The following MACROD2 variants were observed in gnomAD, a reference collection of about 807,000 sequenced individuals.
MACROD2 encodes mono-ADP ribosylhydrolase 2.
In MACROD2, 36 loss-of-function variants were observed where a neutral mutation model predicts 70.4. The observed-to-expected ratio is 0.51, with a 90% CI of 0.39 to 0.68. MACROD2 has a LOEUF of 0.68. Among genes scored for constraint, MACROD2 ranks in the 30% least tolerant of loss-of-function variants. MACROD2 has a pLI of 0.00. For synonymous variants in MACROD2, 172 were observed against 178.8 expected, an observed-to-expected ratio of 0.96 and a Z score of 0.30; for missense variants, 496 against 538.4, an observed-to-expected ratio of 0.92 and a Z score of 0.78.
chr20:14,159,120 C>T (rs1312813225), intron 3 of MACROD2, among the ~76,000 whole-genome samples: 1 of 152,078 alleles, frequency 6.6e-6, no homozygotes, highest in East Asian at 1.9e-4. Flanking sequence ...TGCCTGTAAT[C>T]CCAGCTACTT....
At chr20:14,186,152 C>T (rs1416269004) in intron 3 of MACROD2, among the ~76,000 whole-genome samples, 1 of 152,114 alleles carries the variant, frequency 6.6e-6, no homozygotes, top group Non-Finnish European at 1.5e-5. Context: ...ATTTATAATA[C>T]ACATATACCT....
intron 5 of MACROD2, among the ~76,000 whole-genome samples, chr20:14,771,470 C>T (rs60015935): frequency 0.056 from 8,523 of 151,852 alleles, 313 homozygotes; most frequent in African/African-American, 0.086. Context: ...ATTTTATTTT[C>T]ACAAATAGCT....
intron 10 of MACROD2, among the ~76,000 whole-genome samples, chr20:15,912,417 G>C (rs2065250591): frequency 6.6e-6 from 1 of 152,154 alleles, no homozygotes; most frequent in African/African-American, 2.4e-5. Flanking sequence ...TGTAAGCCAT[G>C]GTGTCCTCAG....
At chr20:15,714,510 T>C (rs184453799) in intron 8 of MACROD2, among the ~76,000 whole-genome samples, 24 of 152,182 alleles carry the variant, frequency 1.6e-4, no homozygotes, top group Admixed American at 9.8e-4. Context: ...AGAAGAAAAG[T>C]TGGGGGATGG....
intron 3 of MACROD2, among the ~76,000 whole-genome samples, chr20:14,485,426 G>T (rs970708110): frequency 2.0e-5 from 3 of 152,298 alleles, no homozygotes; most frequent in Middle Eastern, 3.4e-3. Context: ...TGGAGGCCAG[G>T]CGTGGTGGCT....
At chr20:14,269,800 G>T (rs963317715) in intron 3 of MACROD2, among the ~76,000 whole-genome samples, 18 of 126,406 alleles carry the variant, frequency 1.4e-4, no homozygotes, top group African/African-American at 4.0e-4. Context: ...TGATAAACTT[G>T]TGGGTTTTTT....
At chr20:15,302,027 T>C (rs2077649276) in intron 6 of MACROD2, among the ~76,000 whole-genome samples, 1 of 152,122 alleles carries the variant, frequency 6.6e-6, no homozygotes, top group South Asian at 2.1e-4. Flanking sequence ...ACTGACAATC[T>C]GCTTGTTGGC....
At chr20:14,468,726 G>A (rs1429309574) in intron 3 of MACROD2, among the ~76,000 whole-genome samples, 2 of 152,066 alleles carry the variant, frequency 1.3e-5, no homozygotes, top group South Asian at 2.1e-4. Context: ...TGACCAGGCT[G>A]GTCTTGAACT....
intron 5 of MACROD2, among the ~76,000 whole-genome samples, chr20:14,820,585 G>T (rs1414261704): frequency 2.0e-5 from 3 of 151,890 alleles, no homozygotes; most frequent in Non-Finnish European, 4.4e-5. Flanking sequence ...TCTTAACTTA[G>T]CTTCTCATCT....
chr20:14,252,414 T>C (rs2082020707), intron 3 of MACROD2, among the ~76,000 whole-genome samples: 1 of 152,056 alleles, frequency 6.6e-6, no homozygotes, highest in African/African-American at 2.4e-5. Context: ...TTTTATTCTT[T>C]CACTGTATAA....
At chr20:14,913,393 A>G (rs1184436211) in intron 5 of MACROD2, among the ~76,000 whole-genome samples, 2 of 152,038 alleles carry the variant, frequency 1.3e-5, no homozygotes, top group African/African-American at 4.8e-5. Flanking sequence ...TTTTTTCTTA[A>G]CCTATGAAAA....
At chr20:15,709,706 A>T (rs1392042645) in intron 8 of MACROD2, among the ~76,000 whole-genome samples, 1 of 152,190 alleles carries the variant, frequency 6.6e-6, no homozygotes, top group East Asian at 1.9e-4. Context: ...TTTATGAGGT[A>T]TGTACAGAGT....
intron 3 of MACROD2, among the ~76,000 whole-genome samples, chr20:14,123,528 C>T (rs139197895): frequency 3.3e-4 from 51 of 152,294 alleles, no homozygotes; most frequent in Admixed American, 1.4e-3. Context: ...TCTTGCAGTG[C>T]GGCATACCAT....
At chr20:15,854,296 C>T (rs756771293) in intron 8 of MACROD2, among the ~76,000 whole-genome samples, 2 of 152,054 alleles carry the variant, frequency 1.3e-5, no homozygotes, top group Admixed American at 6.6e-5. Flanking sequence ...AGAAAAAGAG[C>T]GCTCGTGTCC....
At chr20:16,006,388 A>C (rs1324606075) in intron 15 of MACROD2, among the ~76,000 whole-genome samples, 2 of 152,126 alleles carry the variant, frequency 1.3e-5, no homozygotes, top group African/African-American at 2.4e-5. Context: ...GGTTGTTGGA[A>C]ACTAGCTTTC....
At chr20:15,371,465 G>A (rs1275582876) in intron 6 of MACROD2, among the ~76,000 whole-genome samples, 2 of 152,132 alleles carry the variant, frequency 1.3e-5, no homozygotes, top group African/African-American at 4.8e-5. Flanking sequence ...AAGTTCTGCT[G>A]AAAGCAGTTT....
chr20:15,051,338 ATGTGTGTGTGTGTGTGTGTGTGTG>A (rs6147297), intron 5 of MACROD2, among the ~76,000 whole-genome samples: 7,003 of 129,434 alleles, frequency 0.054, 217 homozygotes, highest in Middle Eastern at 0.16. Flanking sequence ...TCAGTAGGAG[ATGTGTGTGTGTGTGTGTGTGTGTG>A]TGTGTGTGTG....
At chr20:15,275,356 G>T (rs2077381602) in intron 6 of MACROD2, among the ~76,000 whole-genome samples, 1 of 152,120 alleles carries the variant, frequency 6.6e-6, no homozygotes, top group African/African-American at 2.4e-5. Context: ...ACAACAATGG[G>T]GAGTCCTTTG....
intron 8 of MACROD2, among the ~76,000 whole-genome samples, chr20:15,738,594 A>G (rs2051059885): frequency 6.6e-6 from 1 of 152,204 alleles, no homozygotes; most frequent in Admixed American, 6.6e-5. Flanking sequence ...CTCATAGGGA[A>G]AAGAAAGCAC....
Sources: allele counts gnomAD v4.1 joint callset (sites outside exome capture counted in the v4.1 genomes callset), GRCh38; gene constraint gnomAD v4.1.1; transcripts MANE v1.5; gene names NCBI Gene and HGNC (gene_info 2026-07-23, HGNC 2026-07-21).